AOAH: variants seen among roughly 807,000 people sequenced by gnomAD.
AOAH encodes the protein acyloxyacyl hydrolase.
In AOAH, 64 loss-of-function variants were observed where a neutral mutation model predicts 92.2. The ratio of observed to expected loss-of-function variants is 0.69; its 90% confidence interval spans 0.57 to 0.86. The LOEUF (loss-of-function observed/expected upper bound fraction) is 0.86. AOAH is among the 40% of genes least tolerant of loss of function. The pLI is 0.00. For synonymous variants in AOAH, 263 were observed against 254.5 expected (o/e 1.03, Z -0.32); for missense variants, 656 against 694.6 (o/e 0.94, Z 0.62).
At chr7:36,708,137 A>G (rs1798544577) in intron 1 of AOAH, among the ~76,000 whole-genome samples, 1 of 49,502 alleles carries the variant, frequency 2.0e-5, no homozygotes, top group Admixed American at 2.4e-4. Flanking sequence ...ATTTTCAAAG[A>G]CTTTTTGCTC....
At chr7:36,691,865 C>G (rs142459575) in intron 1 of AOAH, among the ~76,000 whole-genome samples, 1 of 152,268 alleles carries the variant, frequency 6.6e-6, no homozygotes, top group African/African-American at 2.4e-5. Context: ...TCCACTTTTG[C>G]CCTCTTTGAC....
intron 19 of AOAH, among the ~76,000 whole-genome samples, chr7:36,527,377 A>G (rs918731264): frequency 6.6e-6 from 1 of 152,168 alleles, no homozygotes; most frequent in East Asian, 1.9e-4. Context: ...GAGAGGAGAG[A>G]TTTTCATGGG....
intron 1 of AOAH, among the ~76,000 whole-genome samples, chr7:36,698,534 T>C (rs1339606138): frequency 1.3e-5 from 2 of 152,084 alleles, no homozygotes; most frequent in Non-Finnish European, 2.9e-5. Flanking sequence ...TAATTTTAGA[T>C]TTTTCTTTTT....
intron 1 of AOAH, among the ~76,000 whole-genome samples, chr7:36,695,989 C>G (rs1045739482): frequency 6.6e-6 from 1 of 152,264 alleles, no homozygotes; most frequent in South Asian, 2.1e-4. Context: ...TCTCCCTCAT[C>G]CTTTTTTTAC....
At chr7:36,689,133 C>A (rs10227528) in intron 1 of AOAH, among the ~76,000 whole-genome samples, 2,699 of 152,128 alleles carry the variant, frequency 0.018, 93 homozygotes, top group African/African-American at 0.062. Flanking sequence ...GTCATCTCAC[C>A]CAAGTTGCTT....
At chr7:36,709,183 C>G (rs1798611768) in intron 1 of AOAH, among the ~76,000 whole-genome samples, 1 of 152,160 alleles carries the variant, frequency 6.6e-6, no homozygotes, top group African/African-American at 2.4e-5. Flanking sequence ...CTTGAGCTAG[C>G]AAAGCTGTAG....
chr7:36,657,268 G>A lies in AOAH; in HGVS notation c.390+1898C>T, dbSNP rs192459197. Among the ~76,000 whole-genome samples, 33 of 152,252 alleles carry A rather than the reference G, an allele frequency of 2.2e-4. No individual in the cohort carries two copies. In the East Asian group the frequency reaches 5.0e-3, roughly 23 times the overall value. ...CAACCAATCTCTGAGTAGAACAACC[G>A]GGGTGTGAACCCAGTTCTGTTCTTT... On this transcript the variant is annotated intron_variant, in intron 4 of 20. Transcript: ENST00000617537.
rs563601189 is a variant in AOAH, at chr7:36,714,978, C to T, written c.127+9044G>A. Among the ~76,000 whole-genome samples, 27 of 151,994 alleles carry T rather than the reference C, an allele frequency of 1.8e-4. No homozygotes were observed. The East Asian group carries it at 3.5e-3, about 20-fold the overall frequency. On this transcript the variant is annotated intron_variant, in intron 1 of 20. Transcript: ENST00000617537. ...ACATAGTGTTGGAAGTTCTGGCCAGCGCAATCAGGCAGGAGAAGGAAATAA... is the reference window on the plus strand; with the variant it reads ...ACATAGTGTTGGAAGTTCTGGCCAGTGCAATCAGGCAGGAGAAGGAAATAA...
At position 36,671,884 on chromosome 7, in the gene AOAH, T is replaced by C. The variant is rs1441111141; in HGVS notation, c.290+2059A>G. Among the ~76,000 whole-genome samples, 3 of 152,088 alleles carry C rather than the reference T, an allele frequency of 2.0e-5. No homozygotes were observed. The East Asian group carries it at 5.8e-4, about 29-fold the overall frequency. The stretch of plus-strand genomic sequence containing the variant: ...TCTGGAAATGCCCTCAGAAACCAGT[T>C]CCTGATGAGCCTTGTGTATGGGGCT... On this transcript the variant is annotated intron_variant, in intron 3 of 20. Transcript: ENST00000617537.
At chr7:36,515,797 C>T (rs1364052435) in intron 20 of AOAH, among the ~76,000 whole-genome samples, 5 of 136,506 alleles carry the variant, frequency 3.7e-5, no homozygotes, top group Non-Finnish European at 7.9e-5. Flanking sequence ...CACACACACC[C>T]CCACACACCA....
intron 4 of AOAH, among the ~76,000 whole-genome samples, chr7:36,648,723 T>G (rs932444837): frequency 6.6e-5 from 10 of 152,054 alleles, no homozygotes; most frequent in Admixed American, 2.0e-4. Flanking sequence ...TTTTTTCAAA[T>G]GTCTAGTCTT....
chr7:36,582,141 CCTCTTG>C (rs1788973854), intron 12 of AOAH, among the ~76,000 whole-genome samples: 1 of 152,166 alleles, frequency 6.6e-6, no homozygotes, highest in Non-Finnish European at 1.5e-5. Flanking sequence ...AAATCCTCTT[CCTCTTG>C]CTCTCCTTTC....
intron 4 of AOAH, among the ~76,000 whole-genome samples, chr7:36,642,202 C>T (rs1343638712): frequency 6.6e-6 from 1 of 151,598 alleles, no homozygotes; most frequent in African/African-American, 2.4e-5. Flanking sequence ...TAGCAAAAAC[C>T]GCAATTACTT....
At chr7:36,582,585 C>T (rs1024577356) in intron 12 of AOAH, among the ~76,000 whole-genome samples, 1 of 152,172 alleles carries the variant, frequency 6.6e-6, no homozygotes, top group Non-Finnish European at 1.5e-5. Flanking sequence ...TAATGCCTTC[C>T]CCCACTGCAT....
At chr7:36,723,259 A>C (rs551167933) in intron 1 of AOAH, among the ~76,000 whole-genome samples, 1 of 152,118 alleles carries the variant, frequency 6.6e-6, no homozygotes, top group African/African-American at 2.4e-5. Context: ...AAATGCCACC[A>C]CTATTATGAG....
chr7:36,652,313 T>C (rs531687635), intron 4 of AOAH, among the ~76,000 whole-genome samples: 1 of 152,330 alleles, frequency 6.6e-6, no homozygotes, highest in South Asian at 2.1e-4. Context: ...TATATTTGAA[T>C]TATAACTCAA....
intron 5 of AOAH, among the ~76,000 whole-genome samples, chr7:36,635,340 G>A (rs866824415): frequency 6.6e-6 from 1 of 152,142 alleles, no homozygotes; most frequent in African/African-American, 2.4e-5. Flanking sequence ...GATGTCAAAT[G>A]AATGCAGAAC....
At chr7:36,664,220 T>C (rs907509872) in intron 3 of AOAH, among the ~76,000 whole-genome samples, 1 of 152,198 alleles carries the variant, frequency 6.6e-6, no homozygotes, top group Non-Finnish European at 1.5e-5. Flanking sequence ...GATTTTCTCC[T>C]ACACTTTTAG....
chr7:36,714,978 C>G (rs563601189), intron 1 of AOAH, among the ~76,000 whole-genome samples: 45 of 151,994 alleles, frequency 3.0e-4, no homozygotes, highest in East Asian at 9.7e-4. Flanking sequence ...TTCTGGCCAG[C>G]GCAATCAGGC....
Sources: gnomAD v4.1 joint callset for allele counts (sites outside exome capture counted in the v4.1 genomes callset) on GRCh38, gnomAD v4.1.1 for gene constraint, MANE v1.5 for transcripts, NCBI Gene and HGNC (gene_info 2026-07-23, HGNC 2026-07-21) for gene names.